The following FHIT variants were observed in gnomAD, a reference collection of about 807,000 sequenced individuals.
The protein encoded by FHIT is fragile histidine triad diadenosine triphosphatase.
FHIT carries 19 observed loss-of-function variants against 17.9 expected under a neutral mutation model. The observed-to-expected ratio is 1.06, with a 90% CI of 0.74 to 1.56. FHIT has a LOEUF of 1.56. FHIT is among the 40% of genes most tolerant of loss of function. The probability of loss-of-function intolerance (pLI) is 0.00; values close to 1 mark genes in which losing one functional copy is unlikely to be tolerated. For missense variants in FHIT, 248 were observed against 189.2 expected (o/e 1.31, Z -1.82); for synonymous variants, 81 against 69.7 (o/e 1.16, Z -0.81).
At chr3:60,051,342 T>TTTTG (rs1318887945) in intron 5 of FHIT, among the ~76,000 whole-genome samples, 2 of 151,420 alleles carry the variant, frequency 1.3e-5, no homozygotes, top group Admixed American at 1.3e-4. Context: ...TTTTTTTTTT[T>TTTTG]TGTAACAGCA....
At chr3:60,719,855 C>A (rs2041770132) in intron 4 of FHIT, among the ~76,000 whole-genome samples, 2 of 152,098 alleles carry the variant, frequency 1.3e-5, no homozygotes, top group Admixed American at 1.3e-4. Flanking sequence ...TGTCTCTTTC[C>A]CTTCATTACC....
intron 8 of FHIT, among the ~76,000 whole-genome samples, chr3:59,835,927 A>T (rs1701323846): frequency 6.6e-6 from 1 of 152,152 alleles, no homozygotes; most frequent in African/African-American, 2.4e-5. Flanking sequence ...CTTAAGAGTA[A>T]ATCAAGGGGA....
intron 4 of FHIT, among the ~76,000 whole-genome samples, chr3:60,563,838 T>C (rs562552242): frequency 1.3e-5 from 2 of 152,260 alleles, no homozygotes; most frequent in Non-Finnish European, 1.5e-5. Context: ...TTCCATAATA[T>C]AAAATGTCGA....
At chr3:59,859,142 G>C (rs502074) in intron 8 of FHIT, among the ~76,000 whole-genome samples, 2 of 152,264 alleles carry the variant, frequency 1.3e-5, no homozygotes, top group East Asian at 3.9e-4. Context: ...TTTTGTACCA[G>C]AATATAAAGA....
At position 60,583,199 on chromosome 3, in the gene FHIT, T is replaced by C. The variant is rs546558376; in HGVS notation, c.-17-46220A>G. On this transcript the variant is annotated intron_variant, in intron 4 of 9. Transcript: ENST00000492590. ...CCTTACTGGTTTTATATTTTAACAG[T>C]TTTCACAAACTGTTTTTGGTTCCTC... Among the ~76,000 whole-genome samples the C allele has an allele frequency of 4.6e-5, 7 of 152,016 alleles. No homozygotes were observed. In the South Asian group the frequency reaches 1.5e-3, roughly 32 times the overall value.
intron 3 of FHIT, among the ~76,000 whole-genome samples, chr3:60,922,223 G>A (rs1475385679): frequency 6.6e-6 from 1 of 152,170 alleles, no homozygotes; most frequent in African/African-American, 2.4e-5. Flanking sequence ...TGTCAAGGGA[G>A]GTAATTATTC....
At position 59,872,653 on chromosome 3, in the gene FHIT, G is replaced by A. The variant is rs185296092; in HGVS notation, c.348+49693C>T. Reference sequence around the variant, plus strand: ...AGTTTTTTAAAAAAAGAACTCTGAAGAGTTATGGATGTTTCTCAATATCTT... The same window carrying A: ...AGTTTTTTAAAAAAAGAACTCTGAAAAGTTATGGATGTTTCTCAATATCTT... On this transcript the variant is annotated intron_variant, in intron 8 of 9. Transcript: ENST00000492590. 5.9e-5 allele frequency among the ~76,000 whole-genome samples: 9 copies of A among 152,270 alleles called. No homozygotes were observed. In the East Asian group the frequency reaches 1.5e-3, roughly 26 times the overall value.
intron 2 of FHIT, among the ~76,000 whole-genome samples, chr3:61,068,551 A>G (rs1255871272): frequency 2.0e-5 from 3 of 152,152 alleles, no homozygotes; most frequent in Admixed American, 1.3e-4. Flanking sequence ...TATTCAGGAG[A>G]ATCCCCCCAT....
At chr3:60,519,614 A>C (rs2035284880) in intron 5 of FHIT, among the ~76,000 whole-genome samples, 1 of 152,174 alleles carries the variant, frequency 6.6e-6, no homozygotes, top group South Asian at 2.1e-4. Flanking sequence ...AACCATAAGG[A>C]AGAGAAAAGA....
intron 5 of FHIT, among the ~76,000 whole-genome samples, chr3:60,182,806 A>G (rs1310480800): frequency 6.6e-6 from 1 of 151,734 alleles, no homozygotes; most frequent in Non-Finnish European, 1.5e-5. Flanking sequence ...ATCAATCAAT[A>G]CTTGTCCAAA....
At chr3:59,823,205 T>C (rs972238110) in intron 8 of FHIT, among the ~76,000 whole-genome samples, 1 of 152,234 alleles carries the variant, frequency 6.6e-6, no homozygotes, top group African/African-American at 2.4e-5. Flanking sequence ...CCTTATAGTA[T>C]AGTTCAAAGT....
chr3:60,163,536 T>G (rs2107374213), intron 5 of FHIT, among the ~76,000 whole-genome samples: 1 of 152,248 alleles, frequency 6.6e-6, no homozygotes, highest in East Asian at 1.9e-4. Context: ...GTGGTTCCCC[T>G]GTCAAGAAAA....
At chr3:60,555,100 C>T (rs552642512) in intron 4 of FHIT, among the ~76,000 whole-genome samples, 1 of 152,336 alleles carries the variant, frequency 6.6e-6, no homozygotes, top group South Asian at 2.1e-4. Flanking sequence ...GTATATAATG[C>T]ACATCTTCCT....
chr3:60,176,909 A>G (rs1352814338), intron 5 of FHIT, among the ~76,000 whole-genome samples: 1 of 152,154 alleles, frequency 6.6e-6, no homozygotes, highest in Non-Finnish European at 1.5e-5. Context: ...CCTCTAACTC[A>G]GGGAAAAGGA....
intron 7 of FHIT, among the ~76,000 whole-genome samples, chr3:59,963,812 G>A (rs1169173920): frequency 2.0e-5 from 3 of 152,190 alleles, no homozygotes. Flanking sequence ...AAAATAGCGT[G>A]TGAATAAATA....
At chr3:59,766,866 A>G (rs1701821463) in intron 8 of FHIT, among the ~76,000 whole-genome samples, 1 of 152,136 alleles carries the variant, frequency 6.6e-6, no homozygotes, top group African/African-American at 2.4e-5. Context: ...TCTCTTTTTG[A>G]TTGATTTTGG....
intron 5 of FHIT, among the ~76,000 whole-genome samples, chr3:60,314,591 C>A (rs572491534): frequency 1.3e-5 from 2 of 152,148 alleles, no homozygotes. Flanking sequence ...ACAAAAGGCT[C>A]CCTACCCATA....
At chr3:61,194,747 G>A (rs1217093196) in intron 2 of FHIT, among the ~76,000 whole-genome samples, 4 of 152,126 alleles carry the variant, frequency 2.6e-5, no homozygotes, top group Non-Finnish European at 5.9e-5. Context: ...GTCACACATG[G>A]TATGTAAAGT....
At position 61,111,132 on chromosome 3, in the gene FHIT, G is replaced by A. The variant is rs562446906; in HGVS notation, c.-163-69033C>T. Among the ~76,000 whole-genome samples the A allele has an allele frequency of 1.1e-3, 163 of 152,250 alleles. 1 individual carries two copies. The highest frequency in any genetic ancestry group is 6.0e-3 in the South Asian group (29 of 4,816). On this transcript the variant is annotated intron_variant, in intron 2 of 9. Transcript: ENST00000492590. ...CATGCTGTCAAAAGGTTTCCTCATT[G>A]GAACTGATAGCTACCCCTAAAGCAG...
Sources: allele counts gnomAD v4.1 joint callset (sites outside exome capture counted in the v4.1 genomes callset), GRCh38; gene constraint gnomAD v4.1.1; transcripts MANE v1.5; gene names NCBI Gene and HGNC (gene_info 2026-07-23, HGNC 2026-07-21).